SGCD: variants seen among roughly 807,000 people sequenced by gnomAD.
SGCD encodes delta-sarcoglycan.
Under a neutral mutation model 36.6 loss-of-function variants are expected in SGCD, and 18 were observed. The observed-to-expected ratio is 0.49, with a 90% CI of 0.34 to 0.73. The LOEUF is 0.73. Ranked by LOEUF, SGCD falls within the 30% of genes least tolerant of loss-of-function variation. The pLI is 0.01. For missense variants in SGCD, 387 were observed against 346.7 expected (o/e 1.12, Z -0.92); for synonymous variants, 133 against 130.6 (o/e 1.02, Z -0.12).
chr5:156,531,624 AC>A (rs1393034446), intron 4 of SGCD, among the ~76,000 whole-genome samples: 2 of 152,208 alleles, frequency 1.3e-5, no homozygotes, highest in African/African-American at 4.8e-5. Context: ...GTAAAGCTGC[AC>A]ATGACAGTTT....
intron 3 of SGCD, among the ~76,000 whole-genome samples, chr5:156,356,377 G>C (rs1351871829): frequency 6.6e-6 from 1 of 152,148 alleles, no homozygotes; most frequent in Non-Finnish European, 1.5e-5. Context: ...TGGAACCTCA[G>C]CTGGCCAGAA....
At chr5:156,403,441 A>G (rs1186490502) in intron 3 of SGCD, among the ~76,000 whole-genome samples, 1 of 152,210 alleles carries the variant, frequency 6.6e-6, no homozygotes, top group Non-Finnish European at 1.5e-5. Flanking sequence ...TGGCAGCCCC[A>G]GGCAGGTAAT....
chr5:156,412,957 A>G (rs985780440), intron 3 of SGCD, among the ~76,000 whole-genome samples: 8 of 151,186 alleles, frequency 5.3e-5, no homozygotes, highest in African/African-American at 1.9e-4. Flanking sequence ...CACCGCGCCC[A>G]GCTAATTTTT....
chr5:156,071,896 G>T (rs567442744), intron 1 of SGCD, among the ~76,000 whole-genome samples: 5 of 152,024 alleles, frequency 3.3e-5, no homozygotes, highest in Non-Finnish European at 7.4e-5. Context: ...GGCCTTCTTT[G>T]TCTCTTTTGA....
At chr5:156,373,522 C>A (rs953513123) in intron 3 of SGCD, among the ~76,000 whole-genome samples, 2 of 152,122 alleles carry the variant, frequency 1.3e-5, no homozygotes, top group Non-Finnish European at 2.9e-5. Flanking sequence ...TGGAAATTCA[C>A]CAGGATTCTT....
chr5:156,347,892 G>C (rs1274818716), intron 3 of SGCD, among the ~76,000 whole-genome samples: 1 of 152,104 alleles, frequency 6.6e-6, no homozygotes, highest in Non-Finnish European at 1.5e-5. Flanking sequence ...TAACTAAATT[G>C]ATTGCCAAAA....
chr5:155,888,713 T>C (rs754210657), intron 1 of SGCD, among the ~76,000 whole-genome samples: 1 of 152,218 alleles, frequency 6.6e-6, no homozygotes, highest in Non-Finnish European at 1.5e-5. Context: ...GTTTCTTTCT[T>C]AGAAGTAAAG....
At chr5:156,023,303 C>T (rs1175932008) in intron 1 of SGCD, among the ~76,000 whole-genome samples, 1 of 151,434 alleles carries the variant, frequency 6.6e-6, no homozygotes, top group Admixed American at 6.6e-5. Flanking sequence ...GGGCTTTATA[C>T]CTTGTCTTCC....
At chr5:156,082,270 C>CGG (rs146395452) in intron 1 of SGCD, among the ~76,000 whole-genome samples, 467 of 37,312 alleles carry the variant, frequency 0.013, 5 homozygotes, top group East Asian at 0.11. Flanking sequence ...GGCTGGTGGG[C>CGG]GGGGGGGTCC....
the SGCD span, among the ~76,000 whole-genome samples, chr5:155,747,803 G>A: frequency 6.6e-6 from 1 of 152,088 alleles, no homozygotes; most frequent in African/African-American, 2.4e-5. Context: ...TGGCCAAATG[G>A]CACCAGTTGT....
At chr5:156,706,308 T>G (rs977275977) in intron 7 of SGCD, among the ~76,000 whole-genome samples, 1 of 152,196 alleles carries the variant, frequency 6.6e-6, no homozygotes. Flanking sequence ...ACTAATGTCA[T>G]GAAAGGCTTT....
chr5:155,969,553 C>T lies in SGCD; in HGVS notation c.-282+99129C>T, dbSNP rs147580327. ...ACATTGAATTTGAATTGTTTTAGCA[C>T]ATTAGGCAGAAGACATGTGGTGTGA... On this transcript the variant is annotated intron_variant, in intron 1 of 9. Transcript: ENST00000517913. Among the ~76,000 whole-genome samples the T allele has an allele frequency of 6.6e-5, 10 of 152,258 alleles. No individual in the cohort carries two copies. In the East Asian group the frequency reaches 1.9e-3, roughly 29 times the overall value.
chr5:156,686,798 T>C (rs32071), intron 7 of SGCD, among the ~76,000 whole-genome samples: 132,663 of 152,254 alleles, frequency 0.87, 57,897 homozygotes, highest in Admixed American at 0.91. Context: ...AGAAATTCTA[T>C]AGGCAAAGCC....
chr5:156,757,922 G>C (rs1321600831), intron 8 of SGCD: 2 of 1,305,754 alleles, frequency 1.5e-6, no homozygotes, highest in Non-Finnish European at 2.0e-6. Context: ...AGAGATAATG[G>C]CATGTATTCC....
chr5:156,053,760 T>G (rs963566474), intron 1 of SGCD, among the ~76,000 whole-genome samples: 2 of 146,378 alleles, frequency 1.4e-5, no homozygotes, highest in African/African-American at 2.5e-5. Context: ...ACAAAATACT[T>G]TAAGCTGGGT....
chr5:156,531,141 A>G (rs912140417), intron 4 of SGCD, among the ~76,000 whole-genome samples: 2 of 152,090 alleles, frequency 1.3e-5, no homozygotes, highest in Admixed American at 1.3e-4. Flanking sequence ...AGTGTTTGGC[A>G]TTTTTAGCCT....
intron 7 of SGCD, among the ~76,000 whole-genome samples, chr5:156,730,394 C>A (rs1755996804): frequency 6.6e-6 from 1 of 152,110 alleles, no homozygotes; most frequent in East Asian, 1.9e-4. Context: ...TGCCAAAATG[C>A]CCCAGTGCAT....
the SGCD span, among the ~76,000 whole-genome samples, chr5:155,813,805 G>C: frequency 1.3e-5 from 2 of 152,148 alleles, no homozygotes; most frequent in Non-Finnish European, 2.9e-5. Flanking sequence ...GCAATATAAT[G>C]TCACCATAAA....
chr5:155,973,234 C>T (rs1453342471), intron 1 of SGCD, among the ~76,000 whole-genome samples: 1 of 152,154 alleles, frequency 6.6e-6, no homozygotes, highest in East Asian at 1.9e-4. Flanking sequence ...CATCCATTTG[C>T]AGTGAAGTCC....
Sources: gnomAD v4.1 joint callset for allele counts (sites outside exome capture counted in the v4.1 genomes callset) on GRCh38, gnomAD v4.1.1 for gene constraint, MANE v1.5 for transcripts, NCBI Gene and HGNC (gene_info 2026-07-23, HGNC 2026-07-21) for gene names.